GUCA1C: variants seen among roughly 807,000 people sequenced by gnomAD.
GUCA1C encodes the protein guanylate cyclase activator 1C.
Under a neutral mutation model 16.2 loss-of-function variants are expected in GUCA1C, and 15 were observed. That is an observed-to-expected ratio of 0.93 (90% confidence interval 0.62 to 1.43). The LOEUF (loss-of-function observed/expected upper bound fraction) is 1.43, where lower values mean the gene tolerates loss of function less well. Ranked by LOEUF, GUCA1C falls within the 40% of genes most tolerant of loss-of-function variation. The probability of loss-of-function intolerance (pLI) is 0.00; values close to 1 mark genes in which losing one functional copy is unlikely to be tolerated. For missense variants in GUCA1C, 275 were observed against 244.8 expected, an observed-to-expected ratio of 1.12 and a Z score of -0.82; for synonymous variants, 78 against 85.4, an observed-to-expected ratio of 0.91 and a Z score of 0.48.
chr3:108,913,174 C>T (rs942184653), intron 3 of GUCA1C, among the ~76,000 whole-genome samples: 1 of 151,518 alleles, frequency 6.6e-6, no homozygotes, highest in Admixed American at 6.6e-5. Flanking sequence ...CTTTTGGTTT[C>T]AATATTCATT....
intron 1 of GUCA1C, among the ~76,000 whole-genome samples, chr3:108,935,200 A>G (rs1946713087): frequency 6.6e-6 from 1 of 151,998 alleles, no homozygotes; most frequent in African/African-American, 2.4e-5. Context: ...CTGGTTGGGG[A>G]AGGAGAGGAA....
intron 2 of GUCA1C, 110 bp from the exon 3 acceptor site, chr3:108,916,324 C>G (rs1340026964): frequency 4.6e-6 from 4 of 869,770 alleles, no homozygotes; most frequent in Admixed American, 2.4e-5. Context: ...CGGTTGCTAT[C>G]CAACCTGTAC....
intron 1 of GUCA1C, among the ~76,000 whole-genome samples, chr3:108,942,425 T>G (rs1028795352): frequency 1.3e-5 from 2 of 152,242 alleles, no homozygotes; most frequent in Admixed American, 1.3e-4. Flanking sequence ...TTATACTGTC[T>G]TGCTTTATTC....
chr3:108,934,806 A>ATTTTTTTTTT (rs1946706228), intron 1 of GUCA1C, among the ~76,000 whole-genome samples: 2 of 79,148 alleles, frequency 2.5e-5, no homozygotes, highest in Non-Finnish European at 4.9e-5. Flanking sequence ...TATGTTCTTG[A>ATTTTTTTTTT]TCTTTTTTTT....
chr3:108,928,937 A>G (rs1331932699), intron 1 of GUCA1C, among the ~76,000 whole-genome samples: 1 of 152,186 alleles, frequency 6.6e-6, no homozygotes, highest in Admixed American at 6.5e-5. Context: ...TTGCCTCTCC[A>G]TATAACATTA....
chr3:108,928,841 T>A (rs572097082), intron 1 of GUCA1C, among the ~76,000 whole-genome samples: 1 of 152,348 alleles, frequency 6.6e-6, no homozygotes, highest in East Asian at 1.9e-4. Context: ...ATTACTATAC[T>A]TTTACGGTAA....
chr3:108,925,621 A>G (rs1946615782), intron 1 of GUCA1C, among the ~76,000 whole-genome samples: 1 of 152,202 alleles, frequency 6.6e-6, no homozygotes, highest in Non-Finnish European at 1.5e-5. Context: ...AATGCTCTGT[A>G]AATATGTGTT....
intron 1 of GUCA1C, among the ~76,000 whole-genome samples, chr3:108,949,068 G>A (rs984706359): frequency 6.6e-6 from 1 of 152,022 alleles, no homozygotes; most frequent in Non-Finnish European, 1.5e-5. Flanking sequence ...GGCCGGTCTC[G>A]AACTCCTGAC....
chr3:108,934,848 C>T (rs1946707655), intron 1 of GUCA1C, among the ~76,000 whole-genome samples: 1 of 132,212 alleles, frequency 7.6e-6, no homozygotes, highest in African/African-American at 2.9e-5. Context: ...GAGTCTCCCT[C>T]TTTCACCCAG....
chr3:108,912,781 C>A lies in GUCA1C; in HGVS notation c.442+3346G>T, dbSNP rs961850680. The stretch of plus-strand genomic sequence containing the variant: ...ATTGCATATTGTTTCTTGATTTAAT[C>A]TTTTCTTTATTTCTTACATGACATC... On this transcript the variant is annotated intron_variant, in intron 3 of 3. Transcript: ENST00000261047. 4.0e-5 allele frequency among the ~76,000 whole-genome samples: 6 copies of A among 149,508 alleles called. No homozygotes were observed. The East Asian group carries it at 1.2e-3, about 29-fold the overall frequency.
intron 1 of GUCA1C, among the ~76,000 whole-genome samples, chr3:108,946,378 C>T (rs1357751929): frequency 3.3e-5 from 5 of 152,112 alleles, no homozygotes; most frequent in Admixed American, 6.5e-5. Context: ...GCCATCTGCT[C>T]GCTTTCTTGG....
rs1463274059 is a variant in GUCA1C, at chr3:108,908,286, T to C, written c.443-77A>G. Reference sequence around the variant, plus strand: ...CACAAATGATATACTCACTGGTATGTTTATTGATATTCTTTTGATATCCTT... The same window carrying C: ...CACAAATGATATACTCACTGGTATGCTTATTGATATTCTTTTGATATCCTT... On this transcript the variant is annotated intron_variant, in intron 3 of 3. Coordinates refer to ENST00000261047, the MANE Select transcript of GUCA1C (RefSeq NM_005459.4). 6 of 747,536 alleles carry C rather than the reference T, an allele frequency of 8.0e-6. No individual in the cohort carries two copies. The Admixed American group carries it at 1.6e-4, about 19-fold the overall frequency. 46.3% of individuals were successfully genotyped at this position (747,536 alleles called of 1,614,324 possible).
intron 1 of GUCA1C, among the ~76,000 whole-genome samples, chr3:108,926,267 T>G (rs1356044366): frequency 6.6e-6 from 1 of 152,234 alleles, no homozygotes. Context: ...TTGGTGTTCA[T>G]TTGCTTGGAA....
chr3:108,910,023 T>C (rs1946433383), intron 3 of GUCA1C, among the ~76,000 whole-genome samples: 1 of 152,206 alleles, frequency 6.6e-6, no homozygotes, highest in Non-Finnish European at 1.5e-5. Flanking sequence ...GCTATGAATA[T>C]GGTAGGTGCT....
chr3:108,950,624 A>T (rs1946887476), intron 1 of GUCA1C, among the ~76,000 whole-genome samples: 1 of 152,230 alleles, frequency 6.6e-6, no homozygotes, highest in Non-Finnish European at 1.5e-5. Flanking sequence ...AAATATTATT[A>T]TAAATTTTAT....
intron 1 of GUCA1C, among the ~76,000 whole-genome samples, chr3:108,940,065 ATGT>A: frequency 6.6e-6 from 1 of 152,324 alleles, no homozygotes; most frequent in East Asian, 1.9e-4. Context: ...CTTAACCAAA[ATGT>A]TGTGCTTGAT....
chr3:108,932,323 CA>C (rs71106610), intron 1 of GUCA1C, among the ~76,000 whole-genome samples: 39,200 of 101,840 alleles, frequency 0.38, 5,106 homozygotes, highest in Middle Eastern at 0.49. Context: ...GACCTCCCAC[CA>C]AAAAAAAAAA....
intron 1 of GUCA1C, among the ~76,000 whole-genome samples, chr3:108,943,077 C>A (rs1946804210): frequency 6.6e-6 from 1 of 152,102 alleles, no homozygotes; most frequent in Non-Finnish European, 1.5e-5. Context: ...GGATTCAGAG[C>A]ATAAAGTTTA....
intron 1 of GUCA1C, among the ~76,000 whole-genome samples, chr3:108,935,732 A>C (rs1006119083): frequency 2.0e-5 from 3 of 152,030 alleles, no homozygotes; most frequent in African/African-American, 7.2e-5. Flanking sequence ...AAAGCATAAA[A>C]ATATGTATGT....
Sources: gnomAD v4.1 joint callset for allele counts (sites outside exome capture counted in the v4.1 genomes callset) on GRCh38, gnomAD v4.1.1 for gene constraint, MANE v1.5 for transcripts, NCBI Gene and HGNC (gene_info 2026-07-23, HGNC 2026-07-21) for gene names.